The following DCAF15 variants were observed in gnomAD, a reference collection of about 807,000 sequenced individuals.
DCAF15 encodes the protein DDB1 and CUL4 associated factor 15.
In DCAF15, 24 loss-of-function variants were observed where a neutral mutation model predicts 68.0. That is an observed-to-expected ratio of 0.35 (90% confidence interval 0.26 to 0.50). DCAF15 has a LOEUF of 0.50. Among genes scored for constraint, DCAF15 ranks in the 20% least tolerant of loss-of-function variants. The pLI is 0.98. For synonymous variants in DCAF15, 376 were observed against 341.6 expected (o/e 1.10, Z -1.11); for missense variants, 627 against 830.6 (o/e 0.75, Z 3.01).
rs1220269208 is a variant in DCAF15, at chr19:13,961,398, A to G, written c.*403A>G. ...CCCCACCCAGGCCGGCAACCTGGCC[A>G]TCCCCATTCCGTTCTTCTTCATGTA... On this transcript the variant is annotated 3_prime_UTR_variant, in exon 13 of 13. Coordinates refer to ENST00000254337, the MANE Select transcript of DCAF15 (RefSeq NM_138353.4). 1 of 202,310 alleles carries G rather than the reference A, an allele frequency of 4.9e-6. No individual in the cohort carries two copies. The highest frequency in any genetic ancestry group is 6.3e-5 in the Admixed American group (1 of 15,882). 12.5% of individuals were successfully genotyped at this position (202,310 alleles called of 1,614,324 possible). A position where few individuals can be genotyped will look rare whatever the true frequency, so the allele number is the denominator to read the frequency against.
rs1019553364 is a variant in DCAF15, at chr19:13,952,558, G to T, written c.46G>T (p.Gly16Cys). The T allele has an allele frequency of 3.2e-6, 4 of 1,262,912 alleles. No homozygotes were observed. Among genetic ancestry groups the T allele is most frequent in the South Asian group, 3.4e-5 (1 of 29,074 alleles). The allele number at this position is 1,262,912 out of a possible 1,614,324, so 78.2% of individuals were successfully genotyped here. The change falls in exon 1 of 13, where the codon GGC becomes TGC. Residue 16 changes from glycine to cysteine, a missense_variant. By Grantham distance (159) the Gly-to-Cys change is radical. This residue lies in a region of DCAF15 where 273 missense variants were observed against 393.7 expected (regional missense o/e 0.69). Transcript: ENST00000254337. The stretch of plus-strand genomic sequence containing the variant: ...GGAGCGGAACAGCGGGGCTGGGAGC[G>T]GCGGCGGCGGCCCCGGGGGAGCCGG... ...KSERNSGAGSGGGGPGGAGGK... is the reference protein window; with the variant it reads ...KSERNSGAGSCGGGPGGAGGK...
Position 13,954,678 on chromosome 19 carries a change from AC to A in DCAF15, c.366+19del, listed in dbSNP as rs1568448338. On this transcript the variant is annotated intron_variant, in intron 3 of 12. Transcript: ENST00000254337. The stretch of plus-strand genomic sequence containing the variant: ...CTCAAGCTGGTAGGGAGGCTTCAAC[AC>A]CAGGCTGGCCCTTCAGATGGTGTGG... 2 of 1,613,656 alleles carry A rather than the reference AC, an allele frequency of 1.2e-6. No individual in the cohort carries two copies. The highest frequency in any genetic ancestry group is 2.2e-5 in the South Asian group (2 of 91,080).
intron 5 of DCAF15, 43 bp downstream of exon 5, chr19:13,956,305 C>G (rs369076815): frequency 2.9e-5 from 46 of 1,611,732 alleles, no homozygotes; most frequent in Middle Eastern, 1.6e-4. Flanking sequence ...CCCCTCCCCC[C>G]CTTGCTCCGG....
chr19:13,952,532 C>A lies in DCAF15; in HGVS notation c.20C>A (p.Ser7Ter). 1 of 1,249,882 alleles carries A rather than the reference C, an allele frequency of 8.0e-7. No homozygotes were observed. The highest frequency in any genetic ancestry group is 1.0e-6 in the Non-Finnish European group (1 of 990,354). 77.4% of individuals were successfully genotyped at this position (1,249,882 alleles called of 1,614,324 possible). The change falls in exon 1 of 13, where the codon TCG becomes TAG. Residue 7 changes from serine to a stop codon, truncating the protein, a stop_gained. Coordinates refer to ENST00000254337, the MANE Select transcript of DCAF15 (RefSeq NM_138353.4). LOFTEE classifies it high-confidence loss of function. MAPSSK[S>*]ERNSGAGSGG... ...GTGAAAATGGCGCCCAGCTCGAAAT[C>A]GGAGCGGAACAGCGGGGCTGGGAGC...
intron 3 of DCAF15, among the ~76,000 whole-genome samples, chr19:13,955,347 C>T (rs1039168078): frequency 3.3e-5 from 5 of 151,990 alleles, no homozygotes; most frequent in Non-Finnish European, 5.9e-5. Context: ...TTAGAACCTG[C>T]GAGGTGGAGG....
intron 6 of DCAF15, among the ~76,000 whole-genome samples, chr19:13,957,367 G>T (rs761444743): frequency 6.6e-6 from 1 of 152,166 alleles, no homozygotes; most frequent in African/African-American, 2.4e-5. Context: ...CCCTGTGCCC[G>T]GGTCTCTCCC....
In DCAF15 at chr19:13,959,641, C is replaced by A. The variant is rs377599269; in HGVS notation, c.1279C>A (p.Leu427Met). The A allele has an allele frequency of 1.2e-6, 2 of 1,613,434 alleles. No homozygotes were observed. Among genetic ancestry groups the A allele is most frequent in the Non-Finnish European group, 1.7e-6 (2 of 1,179,958 alleles). Residue 427 changes from leucine to methionine, a missense_variant, in exon 8 of 13, where the codon CTG (leucine) becomes ATG (methionine). Physicochemically the swap from Leu to Met is conservative, Grantham distance 15. Transcript: ENST00000254337. ...FVVTDLRGRNLRPMRERTAVQ... is the reference protein window; with the variant it reads ...FVVTDLRGRNMRPMRERTAVQ... ...GGTGACTGATCTTCGTGGCCGCAAC[C>A]TGCGGCCCATGCGGGAGCGGACTGC...
chr19:13,953,950 C>T (rs145576650), intron 1 of DCAF15, among the ~76,000 whole-genome samples: 15 of 152,256 alleles, frequency 9.9e-5, no homozygotes, highest in Admixed American at 7.9e-4. Context: ...GACTCTGTCC[C>T]AGCCTCCTTA....
In DCAF15 at chr19:13,961,333, G is replaced by A. The variant is rs1017249525; in HGVS notation, c.*338G>A. 1 of 376,898 alleles carries A rather than the reference G, an allele frequency of 2.7e-6. No homozygotes were observed. 23.3% of individuals were successfully genotyped at this position (376,898 alleles called of 1,614,324 possible). A position where few individuals can be genotyped will look rare whatever the true frequency, so the allele number is the denominator to read the frequency against. ...TGTGGACGTTGCCCTCGGGGAGGTC[G>A]AATGGACCCCATTCCCCCTGCCCTG... is the stretch of plus-strand genomic sequence containing the variant. On this transcript the variant is annotated 3_prime_UTR_variant, in exon 13 of 13. Transcript: ENST00000254337.
rs755888580 is a variant in DCAF15, at chr19:13,956,537, C to T, written c.784+15C>T. ...CCACTCGGCAGGTAGGCCCTGCGGTCTCGTGGCCACCCGGCAACGCGTGAA... is the reference window on the plus strand; with the variant it reads ...CCACTCGGCAGGTAGGCCCTGCGGTTTCGTGGCCACCCGGCAACGCGTGAA... On this transcript the variant is annotated intron_variant, in intron 6 of 12. Coordinates refer to ENST00000254337, the MANE Select transcript of DCAF15 (RefSeq NM_138353.4). 10 of 1,611,254 alleles carry T rather than the reference C, an allele frequency of 6.2e-6. No homozygotes were observed. The highest frequency in any genetic ancestry group is 1.7e-4 in the Middle Eastern group (1 of 6,056).
rs774098921 is a variant in DCAF15, at chr19:13,961,033, C to T, written c.*38C>T. ...CCCGGACACTGACTCCAACTACCTC[C>T]GTGGCCTGGGACCGGCCCCCTTCCT... On this transcript the variant is annotated 3_prime_UTR_variant, in exon 13 of 13. Transcript: ENST00000254337. 2.5e-5 allele frequency: 40 copies of T among 1,612,238 alleles called. No individual in the cohort carries two copies. The highest frequency in any genetic ancestry group is 2.9e-5 in the Non-Finnish European group (34 of 1,179,834).
In DCAF15 at chr19:13,956,441, T is replaced by A; in HGVS notation, c.703T>A (p.Phe235Ile). Residue 235 changes from phenylalanine (F) to isoleucine (I), a missense_variant, in exon 6 of 13, where the codon TTC becomes ATC. Around this residue, in one of 3 missense-constraint regions of DCAF15, gnomAD observed 273 missense variants for 393.7 expected, o/e 0.69. Transcript: ENST00000254337. ...VYPFPTFQPAFQLKKDQVVLL... is the reference protein window; with the variant it reads ...VYPFPTFQPAIQLKKDQVVLL... ...CCCCTTCCCCACCTTCCAGCCCGCC[T>A]TCCAGCTCAAGAAGGACCAGGTGGT... is the stretch of plus-strand genomic sequence containing the variant. The A allele has an allele frequency of 1.2e-6, 2 of 1,613,858 alleles. No individual in the cohort carries two copies. The highest frequency in any genetic ancestry group is 1.7e-6 in the Non-Finnish European group (2 of 1,180,016).
rs377599269 is a variant in DCAF15 at position 13,959,641 on chromosome 19, C to T, written c.1279C>T (p.Leu427=). 1.9e-6 allele frequency: 3 copies of T among 1,613,552 alleles called. No individual in the cohort carries two copies. The highest frequency in any genetic ancestry group is 2.2e-5 in the East Asian group (1 of 44,844). Residue 427 remains leucine (L), a synonymous_variant, in exon 8 of 13, where the codon CTG becomes TTG. Transcript: ENST00000254337. Reference sequence around the variant, plus strand: ...GGTGACTGATCTTCGTGGCCGCAACCTGCGGCCCATGCGGGAGCGGACTGC... The same window carrying T: ...GGTGACTGATCTTCGTGGCCGCAACTTGCGGCCCATGCGGGAGCGGACTGC... ...FVVTDLRGRN[L]RPMRERTAVQ...
At position 13,961,074 on chromosome 19, in the gene DCAF15, T is replaced by TG; in HGVS notation, c.*81dup. On this transcript the variant is annotated 3_prime_UTR_variant, in exon 13 of 13. Coordinates refer to ENST00000254337, the MANE Select transcript of DCAF15 (RefSeq NM_138353.4). ...CCCCCTTCCTGGGGTGGCCTCTTCC[T>TG]GGCCGGCTGGCCCACCGACTGATGA... The TG allele has an allele frequency of 6.5e-7, 1 of 1,546,294 alleles. No homozygotes were observed. Among genetic ancestry groups the TG allele is most frequent in the African/African-American group, 1.4e-5 (1 of 73,584 alleles).
At chr19:13,956,943 A>C (rs1973389431) in intron 6 of DCAF15, among the ~76,000 whole-genome samples, 1 of 152,176 alleles carries the variant, frequency 6.6e-6, no homozygotes, top group Non-Finnish European at 1.5e-5. Context: ...TTTAGTAGAG[A>C]TGGGATTTCA....
chr19:13,954,753 A>G (rs1973277626), intron 3 of DCAF15, 92 bp downstream of exon 3: 1 of 1,348,780 alleles, frequency 7.4e-7, no homozygotes, highest in Non-Finnish European at 1.0e-6. Flanking sequence ...TGGGTGTAAA[A>G]TGATCATCAT....
At position 13,956,290 on chromosome 19, in the gene DCAF15, C is replaced by T. The variant is rs757234970; in HGVS notation, c.613+28C>T. The T allele has an allele frequency of 3.4e-5, 54 of 1,611,572 alleles. 1 individual carries two copies. The highest frequency in any genetic ancestry group is 3.4e-6 in the Non-Finnish European group (4 of 1,178,976). On this transcript the variant is annotated intron_variant, in intron 5 of 12. Transcript: ENST00000254337. Reference sequence around the variant, plus strand: ...GAGGGGGCCGAGGGGGCGAGGGCCTCTTCCCCCCTCCCCCCCTTGCTCCGG... The same window carrying T: ...GAGGGGGCCGAGGGGGCGAGGGCCTTTTCCCCCCTCCCCCCCTTGCTCCGG...
At chr19:13,960,820 C>T in intron 12 of DCAF15, 120 bp from the exon 13 acceptor site, 5 of 1,292,034 alleles carry the variant, frequency 3.9e-6, no homozygotes, top group East Asian at 2.5e-5. Context: ...AGGTGGAGGG[C>T]AACTCAGCAG....
chr19:13,953,700 T>G (rs563339084), intron 1 of DCAF15, among the ~76,000 whole-genome samples: 5 of 151,742 alleles, frequency 3.3e-5, no homozygotes, highest in Admixed American at 2.6e-4. Context: ...GATATCCCTG[T>G]GCCTGGCTTC....
Sources: allele counts gnomAD v4.1 joint callset (sites outside exome capture counted in the v4.1 genomes callset), GRCh38; gene constraint gnomAD v4.1.1; regional missense constraint gnomAD v4.1.1; transcripts MANE v1.5; gene names NCBI Gene and HGNC (gene_info 2026-07-23, HGNC 2026-07-21).